The following TMEM132A variants were observed in gnomAD, a reference collection of about 807,000 sequenced individuals.
TMEM132A encodes the protein transmembrane protein 132A.
TMEM132A carries 48 observed loss-of-function variants against 69.9 expected under a neutral mutation model. The ratio of observed to expected loss-of-function variants is 0.69; its 90% confidence interval spans 0.55 to 0.87. TMEM132A has a LOEUF of 0.87. TMEM132A is among the 40% of genes least tolerant of loss of function. TMEM132A has a pLI of 0.00. For synonymous variants in TMEM132A, 577 were observed against 613.7 expected, an observed-to-expected ratio of 0.94 and a Z score of 0.88; for missense variants, 1,287 against 1,407.2, an observed-to-expected ratio of 0.91 and a Z score of 1.37.
At chr11:60,930,271 G>A (rs933827220) in intron 4 of TMEM132A, among the ~76,000 whole-genome samples, 2 of 152,178 alleles carry the variant, frequency 1.3e-5, no homozygotes, top group African/African-American at 4.8e-5. Context: ...GCCCCCAAAT[G>A]CCCGGCTAAG....
Position 60,936,652 on chromosome 11 carries a change from C to A in TMEM132A, c.2817C>A (p.Gly939=). ...GGGAGGCCCCTACCCTGGCCCCTGG[C>A]CCTCCTGGGGGCACCACCAGCTCCT... ...GGGEAPTLAP[G]PPGGTTSSSS... Residue 939 remains glycine (G), a synonymous_variant, in exon 11 of 11, where the codon GGC becomes GGA. Transcript: ENST00000453848. 1 of 1,554,932 alleles carries A rather than the reference C, an allele frequency of 6.4e-7. No homozygotes were observed. Among genetic ancestry groups the A allele is most frequent in the South Asian group, 1.2e-5 (1 of 81,748 alleles).
chr11:60,931,026 C>A (rs1856469704), intron 5 of TMEM132A, among the ~76,000 whole-genome samples: 1 of 152,174 alleles, frequency 6.6e-6, no homozygotes, highest in Non-Finnish European at 1.5e-5. Context: ...AGCTGCAGTT[C>A]TGCGGTTGTG....
rs1856563683 is a variant in TMEM132A, at chr11:60,935,176, G to C, written c.1837-76G>C. On this transcript the variant is annotated intron_variant, in intron 9 of 10. Coordinates refer to ENST00000453848, the MANE Select transcript of TMEM132A (RefSeq NM_178031.3). This position sits in a 1 kb window ranked among gnomAD's most constrained non-coding sequence, Gnocchi z 5.0. ...CCGGAGGGCAGCCCGTGAGGGTGCT[G>C]GGAGCACCCGGTTCCCTCTGGGTGG... The C allele has an allele frequency of 7.1e-7, 1 of 1,405,070 alleles. No homozygotes were observed. The highest frequency in any genetic ancestry group is 1.4e-5 in the African/African-American group (1 of 70,382). 87.0% of individuals were successfully genotyped at this position (1,405,070 alleles called of 1,614,324 possible).
Position 60,928,613 on chromosome 11 carries a change from TGTC to T in TMEM132A, c.535-13_535-11del, listed in dbSNP as rs1457206724. On this transcript the variant is annotated splice_polypyrimidine_tract_variant and intron_variant, in intron 3 of 10. Transcript: ENST00000453848. ...CACCCACCCCCATGCCAATTACTGC[TGTC>T]GTGTCTTCACAGCCATCCCTGGGCG... The T allele has an allele frequency of 6.2e-7, 1 of 1,604,392 alleles. No individual in the cohort carries two copies. Among genetic ancestry groups the T allele is most frequent in the African/African-American group, 1.3e-5 (1 of 74,958 alleles).
At chr11:60,929,925 C>T (rs1236987711) in intron 4 of TMEM132A, among the ~76,000 whole-genome samples, 1 of 152,060 alleles carries the variant, frequency 6.6e-6, no homozygotes, top group Non-Finnish European at 1.5e-5. Context: ...GGGAAGGGAG[C>T]TGGATGGGCA....
chr11:60,933,611 G>T lies in TMEM132A; in HGVS notation c.1426G>T (p.Asp476Tyr). Reference sequence around the variant, plus strand: ...CCGGGGCGCCCGGGGGGTGCGAGTGGACTTCTGGTGGCGCCGGCTCCGCGC... The same window carrying T: ...CCGGGGCGCCCGGGGGGTGCGAGTGTACTTCTGGTGGCGCCGGCTCCGCGC... ...ESRGARGVRVDFWWRRLRASL... is the reference protein window; with the variant it reads ...ESRGARGVRVYFWWRRLRASL... The change falls in exon 8 of 11, where the codon GAC becomes TAC. Residue 476 changes from aspartate (D) to tyrosine (Y), a missense_variant. By Grantham distance (160) the Asp-to-Tyr change is radical. Transcript: ENST00000453848. The T allele has an allele frequency of 6.2e-7, 1 of 1,606,742 alleles. No homozygotes were observed.
intron 1 of TMEM132A, among the ~76,000 whole-genome samples, chr11:60,926,372 A>G (rs1008930203): frequency 6.6e-6 from 1 of 152,232 alleles, no homozygotes; most frequent in African/African-American, 2.4e-5. Context: ...CATCCACAAA[A>G]TGGGATTCAT....
rs1417533565 is a variant in TMEM132A, at chr11:60,934,478, C to T, written c.1560-10C>T. On this transcript the variant is annotated splice_polypyrimidine_tract_variant and intron_variant, in intron 8 of 10. Coordinates refer to ENST00000453848, the MANE Select transcript of TMEM132A (RefSeq NM_178031.3). Reference sequence around the variant, plus strand: ...CGCTGACGGCCAGTCCCGGCCTCCCCGCCCTGCAGGCCTGCGGAACCCGCT... The same window carrying T: ...CGCTGACGGCCAGTCCCGGCCTCCCTGCCCTGCAGGCCTGCGGAACCCGCT... 2 of 1,371,420 alleles carry T rather than the reference C, an allele frequency of 1.5e-6. No homozygotes were observed. Among genetic ancestry groups the T allele is most frequent in the African/African-American group, 1.5e-5 (1 of 65,086 alleles). 85.0% of individuals were successfully genotyped at this position (1,371,420 alleles called of 1,614,324 possible).
intron 4 of TMEM132A, among the ~76,000 whole-genome samples, chr11:60,929,705 T>C (rs1856433709): frequency 6.6e-6 from 1 of 152,208 alleles, no homozygotes; most frequent in African/African-American, 2.4e-5. Flanking sequence ...GTGGACATGC[T>C]TTGAAACCTA....
In TMEM132A at chr11:60,929,038, G is replaced by A; in HGVS notation, c.866+78G>A. 6 of 1,467,350 alleles carry A rather than the reference G, an allele frequency of 4.1e-6. No individual in the cohort carries two copies. In the South Asian group the frequency reaches 6.9e-5, roughly 17 times the overall value. The allele number at this position is 1,467,350 out of a possible 1,614,324, so 90.9% of individuals were successfully genotyped here. A position where few individuals can be genotyped will look rare whatever the true frequency, so the allele number is the denominator to read the frequency against. Reference sequence around the variant, plus strand: ...TAGGGACAGGTACCTGCTCCTCCTGGGGTCCTTGCTGGAATCCTTGACCTC... The same window carrying A: ...TAGGGACAGGTACCTGCTCCTCCTGAGGTCCTTGCTGGAATCCTTGACCTC... On this transcript the variant is annotated intron_variant, in intron 4 of 10. Coordinates refer to ENST00000453848, the MANE Select transcript of TMEM132A (RefSeq NM_178031.3).
chr11:60,934,242 C>A (rs1000816634), intron 8 of TMEM132A: 1 of 414,712 alleles, frequency 2.4e-6, no homozygotes. Flanking sequence ...AGAGCGTCTC[C>A]CCTGCGGTCC....
chr11:60,925,107 C>T, intron 1 of TMEM132A: 1 of 173,772 alleles, frequency 5.8e-6, no homozygotes. Context: ...ACCCTCCTAG[C>T]CTCCTTCCGC....
chr11:60,935,580 G>A lies in TMEM132A; in HGVS notation c.2028+137G>A, dbSNP rs1169082207. The A allele has an allele frequency of 4.1e-6, 4 of 977,176 alleles. No individual in the cohort carries two copies. The highest frequency in any genetic ancestry group is 6.0e-6 in the Non-Finnish European group (4 of 669,216). The allele number at this position is 977,176 out of a possible 1,614,324, so 60.5% of individuals were successfully genotyped here. A position where few individuals can be genotyped will look rare whatever the true frequency, so the allele number is the denominator to read the frequency against. ...GTGAGGACTGACTCTGTGAGGTAGTGAGCTCTCTGCAGCTGGAGGTGATCA... is the reference window on the plus strand; with the variant it reads ...GTGAGGACTGACTCTGTGAGGTAGTAAGCTCTCTGCAGCTGGAGGTGATCA... On this transcript the variant is annotated intron_variant, in intron 10 of 10. Transcript: ENST00000453848. The surrounding 1 kb of genome is among the most constrained non-coding windows in gnomAD (Gnocchi z 5.0).
intron 2 of TMEM132A, 79 bp downstream of exon 2, chr11:60,927,497 C>T: frequency 1.4e-6 from 2 of 1,463,568 alleles, no homozygotes; most frequent in South Asian, 2.6e-5. Context: ...TGGGAGCCTT[C>T]CCCAGCCCCG....
intron 1 of TMEM132A, 176 bp from the exon 2 acceptor site, chr11:60,927,028 G>A (rs1385995830): frequency 4.5e-6 from 3 of 669,334 alleles, no homozygotes; most frequent in Non-Finnish European, 8.1e-6. Context: ...TACTACCTGT[G>A]TGAGGCTCTT....
chr11:60,934,403 G>A lies in TMEM132A; in HGVS notation c.1560-85G>A, dbSNP rs903318278. ...CTGGTGATTAGGAGCCGCCGGGGAC[G>A]AGCTGCGGGTCTCCAGCAGCTGGGC... On this transcript the variant is annotated intron_variant, in intron 8 of 10. Transcript: ENST00000453848. The A allele has an allele frequency of 1.3e-5, 15 of 1,199,306 alleles. 1 individual carries two copies. The South Asian group carries it at 3.2e-4, about 25-fold the overall frequency. 74.3% of individuals were successfully genotyped at this position (1,199,306 alleles called of 1,614,324 possible). A position where few individuals can be genotyped will look rare whatever the true frequency, so the allele number is the denominator to read the frequency against.
chr11:60,925,031 C>A (rs1236688289), intron 1 of TMEM132A, among the ~76,000 whole-genome samples: 4 of 152,116 alleles, frequency 2.6e-5, no homozygotes, highest in Non-Finnish European at 5.9e-5. Flanking sequence ...GGCATCGAAC[C>A]CGGCGGCCCC....
At position 60,936,513 on chromosome 11, in the gene TMEM132A, A is replaced by T; in HGVS notation, c.2678A>T (p.His893Leu). ...SATDPTSPQP[H>L]NWVWLGTDQE... Reference sequence around the variant, plus strand: ...ACTGACCCCACCTCCCCCCAGCCCCACAACTGGGTCTGGCTGGGCACTGAC... The same window carrying T: ...ACTGACCCCACCTCCCCCCAGCCCCTCAACTGGGTCTGGCTGGGCACTGAC... Residue 893 changes from histidine to leucine, a missense_variant, in exon 11 of 11, where the codon CAC (histidine) becomes CTC (leucine). Physicochemically the swap from His to Leu is moderately conservative, Grantham distance 99. Transcript: ENST00000453848. 6.2e-7 allele frequency: 1 copy of T among 1,613,892 alleles called. No individual in the cohort carries two copies. The highest frequency in any genetic ancestry group is 1.1e-5 in the South Asian group (1 of 91,078).
Position 60,931,708 on chromosome 11 carries a change from T to C in TMEM132A, c.1036T>C (p.Phe346Leu), listed in dbSNP as rs1390806857. 1 of 1,613,730 alleles carries C rather than the reference T, an allele frequency of 6.2e-7. No individual in the cohort carries two copies. The highest frequency in any genetic ancestry group is 8.5e-7 in the Non-Finnish European group (1 of 1,179,710). Reference sequence around the variant, plus strand: ...CAGCAGTCCCCTTGAACTGTCTGAGTTCCTATGGGTGGACTTTGTGGTGGA... The same window carrying C: ...CAGCAGTCCCCTTGAACTGTCTGAGCTCCTATGGGTGGACTTTGTGGTGGA... The part of the protein sequence containing the change: ...PDSSPLELSE[F>L]LWVDFVVENS... Residue 346 changes from phenylalanine (F) to leucine (L), a missense_variant, in exon 6 of 11, where the codon TTC becomes CTC. Transcript: ENST00000453848.
Sources: allele counts gnomAD v4.1 joint callset (sites outside exome capture counted in the v4.1 genomes callset), GRCh38; gene constraint gnomAD v4.1.1; non-coding constraint Gnocchi (gnomAD v3.1); transcripts MANE v1.5; gene names NCBI Gene and HGNC (gene_info 2026-07-23, HGNC 2026-07-21).